NINL: variants seen among roughly 807,000 people sequenced by gnomAD.
The protein encoded by NINL is ninein-like protein.
NINL carries 153 observed loss-of-function variants against 160.3 expected under a neutral mutation model. The observed-to-expected ratio is 0.95, with a 90% confidence interval of 0.84 to 1.09. NINL has a LOEUF of 1.09. Among genes scored for constraint, NINL ranks in the 50% least tolerant of loss-of-function variants. The pLI, the probability that NINL is intolerant of heterozygous loss-of-function variation, is 0.00. For missense variants in NINL, 1,829 were observed against 1,764.0 expected, an observed-to-expected ratio of 1.04 and a Z score of -0.66; for synonymous variants, 800 against 734.8, an observed-to-expected ratio of 1.09 and a Z score of -1.43.
chr20:25,541,138 T>C (rs770321726), intron 1 of NINL, among the ~76,000 whole-genome samples: 4 of 152,230 alleles, frequency 2.6e-5, no homozygotes, highest in Admixed American at 6.5e-5. Flanking sequence ...GACACCTCGG[T>C]ACCTATCAAC....
intron 1 of NINL, among the ~76,000 whole-genome samples, chr20:25,582,253 C>G (rs184542900): frequency 6.3e-4 from 96 of 152,242 alleles, no homozygotes; most frequent in Non-Finnish European, 1.1e-3. Context: ...GACTCCATAT[C>G]AAAAACAAAC....
Position 25,453,355 on chromosome 20 carries a change from C to A in NINL, c.*96G>T. The A allele has an allele frequency of 9.0e-7, 1 of 1,106,630 alleles. No homozygotes were observed. Among genetic ancestry groups the A allele is most frequent in the African/African-American group, 1.6e-5 (1 of 63,932 alleles). The allele number at this position is 1,106,630 out of a possible 1,614,324, so 68.6% of individuals were successfully genotyped here. On this transcript the variant is annotated 3_prime_UTR_variant, in exon 24 of 24. Coordinates refer to ENST00000278886, the MANE Select transcript of NINL (RefSeq NM_025176.6). ...AAAGAATCCCAATCCTCAGATGTCC[C>A]AGGACTCATGGCTCATGACCCACGG...
intron 10 of NINL, among the ~76,000 whole-genome samples, chr20:25,494,406 G>A (rs771649465): frequency 2.0e-5 from 3 of 151,620 alleles, no homozygotes; most frequent in Non-Finnish European, 2.9e-5. Flanking sequence ...TACACGTACT[G>A]CACCACCGCT....
chr20:25,457,536 T>A (rs1192114851), intron 22 of NINL, among the ~76,000 whole-genome samples: 8 of 152,210 alleles, frequency 5.3e-5, no homozygotes. Context: ...TAATGTAGCA[T>A]CACTTAACTT....
intron 1 of NINL, among the ~76,000 whole-genome samples, chr20:25,561,755 C>T (rs1328339510): frequency 2.0e-5 from 3 of 150,152 alleles, no homozygotes; most frequent in African/African-American, 7.4e-5. Flanking sequence ...AGCGTCTCTG[C>T]CCAGCCGCCC....
intron 13 of NINL, among the ~76,000 whole-genome samples, chr20:25,488,315 G>A (rs539233176): frequency 5.9e-5 from 9 of 152,146 alleles, no homozygotes; most frequent in South Asian, 4.2e-4. Flanking sequence ...AACCTCCGCC[G>A]CTTGGGTTCA....
chr20:25,467,539 G>T, intron 18 of NINL, 81 bp from the exon 19 acceptor site: 3 of 1,063,602 alleles, frequency 2.8e-6, no homozygotes, highest in East Asian at 2.4e-5. Context: ...CAGGGTAAGA[G>T]CAGCATGGGG....
chr20:25,567,482 A>G (rs545415246), intron 1 of NINL, among the ~76,000 whole-genome samples: 1 of 152,306 alleles, frequency 6.6e-6, no homozygotes, highest in South Asian at 2.1e-4. Flanking sequence ...AACCAAAAGA[A>G]AGACCTAGAC....
chr20:25,475,982 T>C, intron 17 of NINL, 61 bp downstream of exon 17: 2 of 1,524,062 alleles, frequency 1.3e-6, no homozygotes, highest in Non-Finnish European at 1.8e-6. Context: ...CAGGGGTCAG[T>C]GGGTTAGTTC....
At chr20:25,560,007 A>G (rs2064915714) in intron 1 of NINL, among the ~76,000 whole-genome samples, 1 of 152,108 alleles carries the variant, frequency 6.6e-6, no homozygotes, top group South Asian at 2.1e-4. Context: ...AACATGACTC[A>G]CCTCAGCCTT....
intron 1 of NINL, among the ~76,000 whole-genome samples, chr20:25,550,794 AG>A (rs2064799162): frequency 6.6e-6 from 1 of 152,246 alleles, no homozygotes; most frequent in Admixed American, 6.5e-5. Context: ...ATGTACGATC[AG>A]GTTTTACACT....
chr20:25,513,049 G>C (rs1568932040), intron 3 of NINL, 43 bp from the exon 4 acceptor site: 1 of 1,565,970 alleles, frequency 6.4e-7, no homozygotes, highest in East Asian at 2.3e-5. Context: ...CTTTATAGCA[G>C]TTCTGGGCCC....
chr20:25,485,325 T>A (rs980581438), intron 13 of NINL, among the ~76,000 whole-genome samples: 2 of 152,180 alleles, frequency 1.3e-5, no homozygotes, highest in Admixed American at 1.3e-4. Context: ...TTTTACAAAT[T>A]TCTGTGGTTT....
chr20:25,537,754 G>T (rs1464721368), intron 1 of NINL, among the ~76,000 whole-genome samples: 1 of 152,126 alleles, frequency 6.6e-6, no homozygotes, highest in African/African-American at 2.4e-5. Flanking sequence ...AACGAGCTTC[G>T]TGCCTTCACT....
At chr20:25,528,161 C>G (rs1000489253) in intron 1 of NINL, among the ~76,000 whole-genome samples, 1 of 152,150 alleles carries the variant, frequency 6.6e-6, no homozygotes, top group Non-Finnish European at 1.5e-5. Flanking sequence ...TCTCAAGTAG[C>G]TGGGACTATG....
chr20:25,527,215 G>A (rs895256521), intron 1 of NINL, among the ~76,000 whole-genome samples: 5 of 151,668 alleles, frequency 3.3e-5, no homozygotes, highest in East Asian at 1.9e-4. Context: ...GTGCAGTAGC[G>A]TAATCTCAGC....
At chr20:25,558,282 A>T (rs2064892815) in intron 1 of NINL, among the ~76,000 whole-genome samples, 1 of 152,212 alleles carries the variant, frequency 6.6e-6, no homozygotes, top group South Asian at 2.1e-4. Flanking sequence ...ATCTCAGCTC[A>T]CTGAAACCTC....
intron 13 of NINL, among the ~76,000 whole-genome samples, chr20:25,484,096 C>T (rs948304521): frequency 6.6e-6 from 1 of 152,338 alleles, no homozygotes; most frequent in Admixed American, 6.5e-5. Flanking sequence ...AAGGGAGGCC[C>T]CAGCCCACAC....
rs150109030 is a variant in NINL at position 25,472,001 on chromosome 20, TTA to T, written c.3249-1908_3249-1907del. Reference sequence around the variant, plus strand: ...ATTAGACACAAACTAAAAATAAGTGTTATGAAATGTTTACATAAATAAAAGAC... The same window carrying T: ...ATTAGACACAAACTAAAAATAAGTGTTGAAATGTTTACATAAATAAAAGAC... On this transcript the variant is annotated intron_variant, in intron 17 of 23. Transcript: ENST00000278886. Among the ~76,000 whole-genome samples, 493 of 152,198 alleles carry T rather than the reference TTA, an allele frequency of 3.2e-3. 3 individuals carry two copies. Among genetic ancestry groups the T allele is most frequent in the African/African-American group, 0.011 (460 of 41,524 alleles).
Sources: allele counts gnomAD v4.1 joint callset (sites outside exome capture counted in the v4.1 genomes callset), GRCh38; gene constraint gnomAD v4.1.1; transcripts MANE v1.5; gene names NCBI Gene and HGNC (gene_info 2026-07-23, HGNC 2026-07-21).